The following RPH3A variants were observed in gnomAD, a reference collection of about 807,000 sequenced individuals.
The protein encoded by RPH3A is rabphilin 3A.
In RPH3A, 48 loss-of-function variants were observed where a neutral mutation model predicts 102.2. The ratio of observed to expected loss-of-function variants is 0.47; its 90% confidence interval spans 0.37 to 0.60. RPH3A has a LOEUF of 0.60. RPH3A is among the 20% of genes least tolerant of loss of function. The pLI is 0.00. For missense variants in RPH3A, 781 were observed against 910.1 expected, an observed-to-expected ratio of 0.86 and a Z score of 1.83; for synonymous variants, 310 against 324.3, an observed-to-expected ratio of 0.96 and a Z score of 0.47.
intron 16 of RPH3A, among the ~76,000 whole-genome samples, chr12:112,883,829 G>A (rs2042964186): frequency 6.6e-6 from 1 of 151,894 alleles, no homozygotes; most frequent in Non-Finnish European, 1.5e-5. Flanking sequence ...GAAAGTAATT[G>A]CAGTTTTTGC....
At chr12:112,823,760 TGATGG>T (rs1390104462) in intron 2 of RPH3A, among the ~76,000 whole-genome samples, 25 of 152,088 alleles carry the variant, frequency 1.6e-4, no homozygotes, top group Admixed American at 1.6e-3. Flanking sequence ...CTGTAGTGAG[TGATGG>T]GAAAGTGGGG....
At chr12:112,682,508 C>T (rs2040234570) in intron 1 of RPH3A, among the ~76,000 whole-genome samples, 3 of 152,122 alleles carry the variant, frequency 2.0e-5, no homozygotes, top group Admixed American at 2.0e-4. Flanking sequence ...ATCTGGGTAT[C>T]CTTTAACCCA....
intron 1 of RPH3A, among the ~76,000 whole-genome samples, chr12:112,718,650 T>C (rs779078211): frequency 5.5e-4 from 83 of 152,290 alleles, no homozygotes; most frequent in Non-Finnish European, 9.1e-4. Context: ...CTACTGGCCA[T>C]GTTGGGGCAG....
chr12:112,773,808 T>C (rs549644646), intron 1 of RPH3A, among the ~76,000 whole-genome samples: 2 of 151,998 alleles, frequency 1.3e-5, no homozygotes, highest in Admixed American at 1.3e-4. Flanking sequence ...GGGCCAGGCA[T>C]GGTGGCTCAC....
chr12:112,608,282 T>A (rs934027348), intron 1 of RPH3A, among the ~76,000 whole-genome samples: 1 of 151,604 alleles, frequency 6.6e-6, no homozygotes, highest in Non-Finnish European at 1.5e-5. Context: ...CATCTGGCTA[T>A]TTTTTGTATT....
intron 1 of RPH3A, among the ~76,000 whole-genome samples, chr12:112,737,819 A>C (rs1022524062): frequency 7.9e-5 from 12 of 152,184 alleles, no homozygotes; most frequent in Admixed American, 4.6e-4. Context: ...AGAGCTACTA[A>C]AAGTGTTGTC....
At chr12:112,852,519 T>C (rs1443793491) in intron 5 of RPH3A, among the ~76,000 whole-genome samples, 3 of 152,140 alleles carry the variant, frequency 2.0e-5, no homozygotes, top group Non-Finnish European at 4.4e-5. Context: ...TCCCATATAT[T>C]AGAAAATATA....
intron 17 of RPH3A, among the ~76,000 whole-genome samples, chr12:112,889,573 ACT>A (rs2043057922): frequency 6.6e-6 from 1 of 151,792 alleles, no homozygotes; most frequent in Middle Eastern, 3.2e-3. Context: ...TGGTTTTCTA[ACT>A]CTGTTTCCCA....
At chr12:112,833,381 T>C (rs2136163126) in intron 3 of RPH3A, among the ~76,000 whole-genome samples, 1 of 152,336 alleles carries the variant, frequency 6.6e-6, no homozygotes. Flanking sequence ...GCCTGAAGCC[T>C]CTGACCATGT....
intron 1 of RPH3A, among the ~76,000 whole-genome samples, chr12:112,732,415 A>G (rs1399068956): frequency 1.3e-5 from 2 of 152,216 alleles, no homozygotes; most frequent in Non-Finnish European, 2.9e-5. Flanking sequence ...CTTACCCGTA[A>G]CATGGGATTA....
intron 1 of RPH3A, among the ~76,000 whole-genome samples, chr12:112,742,974 T>C (rs1046094060): frequency 6.6e-6 from 1 of 152,170 alleles, no homozygotes; most frequent in Non-Finnish European, 1.5e-5. Context: ...ATTCCTCAGC[T>C]CCTTGTCCCC....
chr12:112,599,958 G>A (rs1053434054), intron 1 of RPH3A, among the ~76,000 whole-genome samples: 1 of 152,164 alleles, frequency 6.6e-6, no homozygotes, highest in Non-Finnish European at 1.5e-5. Context: ...AGTGCATCAC[G>A]GGATGATAAC....
chr12:112,639,865 G>C (rs1316215704), intron 1 of RPH3A, among the ~76,000 whole-genome samples: 1 of 152,114 alleles, frequency 6.6e-6, no homozygotes, highest in Non-Finnish European at 1.5e-5. Context: ...CCTGTTGGTG[G>C]GTGCTAAGTC....
At chr12:112,609,220 C>T (rs766457676) in intron 1 of RPH3A, among the ~76,000 whole-genome samples, 6 of 152,168 alleles carry the variant, frequency 3.9e-5, no homozygotes, top group Admixed American at 6.5e-5. Context: ...TACAAGTGCA[C>T]GCCACCATGT....
intron 1 of RPH3A, among the ~76,000 whole-genome samples, chr12:112,600,089 G>A (rs951194972): frequency 2.6e-5 from 4 of 152,136 alleles, no homozygotes; most frequent in African/African-American, 7.2e-5. Flanking sequence ...CCTGAACCCT[G>A]AGCCTGGTGA....
At chr12:112,593,467 C>T (rs1236244937) in intron 1 of RPH3A, among the ~76,000 whole-genome samples, 2 of 152,122 alleles carry the variant, frequency 1.3e-5, no homozygotes, top group Admixed American at 6.6e-5. Flanking sequence ...CCTAGTCCAT[C>T]CTGACCGATA....
chr12:112,808,004 T>A (rs2041502082), intron 2 of RPH3A, among the ~76,000 whole-genome samples: 1 of 152,178 alleles, frequency 6.6e-6, no homozygotes, highest in African/African-American at 2.4e-5. Context: ...CAGTACACTA[T>A]CCCCTAGTGT....
chr12:112,810,116 T>C (rs183638768), intron 2 of RPH3A, among the ~76,000 whole-genome samples: 204 of 152,332 alleles, frequency 1.3e-3, no homozygotes, highest in Middle Eastern at 0.01. Context: ...GAAATAAATC[T>C]GCAAAATCTC....
intron 1 of RPH3A, among the ~76,000 whole-genome samples, chr12:112,720,405 G>A (rs1285260697): frequency 1.3e-5 from 2 of 152,316 alleles, no homozygotes; most frequent in East Asian, 1.9e-4. Flanking sequence ...CATGTTGGTG[G>A]CCATATTGTT....
Sources: gnomAD v4.1 joint callset for allele counts (sites outside exome capture counted in the v4.1 genomes callset) on GRCh38, gnomAD v4.1.1 for gene constraint, MANE v1.5 for transcripts, NCBI Gene and HGNC (gene_info 2026-07-23, HGNC 2026-07-21) for gene names.